The following SUGCT variants were observed in gnomAD, a reference collection of about 807,000 sequenced individuals.
SUGCT encodes succinyl-CoA:glutarate CoA-transferase.
Under a neutral mutation model 55.0 loss-of-function variants are expected in SUGCT, and 41 were observed. The ratio of observed to expected loss-of-function variants is 0.74; its 90% CI spans 0.58 to 0.97. The LOEUF (loss-of-function observed/expected upper bound fraction) is 0.97. Among genes scored for constraint, SUGCT ranks in the 50% least tolerant of loss-of-function variants. The pLI, the probability that SUGCT is intolerant of heterozygous loss-of-function variation, is 0.00. For synonymous variants in SUGCT, 187 were observed against 200.4 expected (o/e 0.93, Z 0.56); for missense variants, 568 against 547.8 (o/e 1.04, Z -0.37).
chr7:40,366,441 G>A (rs1373290422), intron 9 of SUGCT, among the ~76,000 whole-genome samples: 1 of 151,940 alleles, frequency 6.6e-6, no homozygotes, highest in African/African-American at 2.4e-5. Flanking sequence ...AAGAGCTTCT[G>A]CACAGCAAAA....
chr7:40,614,753 G>A (rs1192669205), intron 12 of SUGCT, among the ~76,000 whole-genome samples: 3 of 152,120 alleles, frequency 2.0e-5, no homozygotes, highest in Non-Finnish European at 4.4e-5. Flanking sequence ...TCTTTAACCT[G>A]TGTCTCAGTT....
intron 12 of SUGCT, among the ~76,000 whole-genome samples, chr7:40,604,593 G>C (rs1052869878): frequency 1.3e-5 from 2 of 152,164 alleles, no homozygotes; most frequent in Admixed American, 1.3e-4. Context: ...AGTAAGAGTA[G>C]AGAGTCATTT....
chr7:40,272,085 C>CTA (rs1792066619), intron 7 of SUGCT, among the ~76,000 whole-genome samples: 2 of 121,096 alleles, frequency 1.7e-5, no homozygotes, highest in East Asian at 2.2e-4. Flanking sequence ...CTCTCTCTCT[C>CTA]TCTCTCTCTC....
intron 12 of SUGCT, among the ~76,000 whole-genome samples, chr7:40,542,228 T>G (rs1254704176): frequency 6.6e-6 from 1 of 152,168 alleles, no homozygotes; most frequent in Non-Finnish European, 1.5e-5. Flanking sequence ...ACATAGACAA[T>G]GTAATCATAA....
In SUGCT at chr7:40,360,327, T is replaced by A. The variant is rs572156547; in HGVS notation, c.816+43472T>A. On this transcript the variant is annotated intron_variant, in intron 9 of 13. Coordinates refer to ENST00000335693, the MANE Select transcript of SUGCT (RefSeq NM_001193313.2). ...CTGCACCCAGCCTAAGATTTTTTTT[T>A]AAAAATACTGTTTTTCTTCTATTCT... Among the ~76,000 whole-genome samples, 801 of 152,300 alleles carry A rather than the reference T, an allele frequency of 5.3e-3. 5 individuals are homozygous for A. The highest frequency in any genetic ancestry group is 0.014 in the African/African-American group (575 of 41,554).
chr7:40,947,508 TTTTG>T, the SUGCT span, among the ~76,000 whole-genome samples: 5 of 151,128 alleles, frequency 3.3e-5, no homozygotes, highest in Admixed American at 2.0e-4. Flanking sequence ...CTCTTTTTTT[TTTTG>T]TTTGTTTGTT....
chr7:40,449,255 A>G (rs1706816898), intron 9 of SUGCT, 32 bp from the exon 10 acceptor site: 1 of 1,464,050 alleles, frequency 6.8e-7, no homozygotes, highest in African/African-American at 1.4e-5. Flanking sequence ...CAACATATAA[A>G]TAATATTTAC....
intron 12 of SUGCT, among the ~76,000 whole-genome samples, chr7:40,575,119 C>CGGG (rs1210366162): frequency 3.6e-4 from 36 of 99,102 alleles, no homozygotes; most frequent in African/African-American, 1.6e-3. Context: ...AGGAGGGTGG[C>CGGG]GGGGGTGGGG....
Position 40,691,376 on chromosome 7 carries a change from CCCAGAAGCCATAT to C in SUGCT, c.1090-58057_1090-58045del, listed in dbSNP as rs1281071848. ...TTTTTCTCCTCACAGCTGGATCATA[CCCAGAAGCCATAT>C]TTCTTACTGATCATGAGCTATCATA... On this transcript the variant is annotated intron_variant, in intron 12 of 13. Coordinates refer to ENST00000335693, the MANE Select transcript of SUGCT (RefSeq NM_001193313.2). 7.2e-5 allele frequency among the ~76,000 whole-genome samples: 11 copies of C among 151,816 alleles called. No homozygotes were observed. In the East Asian group the frequency reaches 1.4e-3, roughly 19 times the overall value.
chr7:40,706,032 A>C (rs1785382378), intron 12 of SUGCT, among the ~76,000 whole-genome samples: 1 of 152,224 alleles, frequency 6.6e-6, no homozygotes, highest in African/African-American at 2.4e-5. Context: ...ATGAGATCAT[A>C]CCTTTAAATA....
intron 8 of SUGCT, among the ~76,000 whole-genome samples, chr7:40,284,070 G>A (rs984303818): frequency 6.7e-6 from 1 of 148,500 alleles, no homozygotes; most frequent in Non-Finnish European, 1.5e-5. Context: ...ACATGGTCTC[G>A]TATATATGTG....
chr7:40,223,861 C>T (rs1788181729), intron 6 of SUGCT, among the ~76,000 whole-genome samples: 1 of 152,148 alleles, frequency 6.6e-6, no homozygotes, highest in Non-Finnish European at 1.5e-5. Flanking sequence ...ATTTGTTACT[C>T]ATTTGGGTTA....
At chr7:40,951,684 T>G in the SUGCT span, among the ~76,000 whole-genome samples, 2 of 152,204 alleles carry the variant, frequency 1.3e-5, no homozygotes, top group Admixed American at 1.3e-4. Context: ...AAAGAACATC[T>G]TTATTCTGCC....
At chr7:40,191,773 A>G (rs189771502) in intron 5 of SUGCT, among the ~76,000 whole-genome samples, 12 of 152,162 alleles carry the variant, frequency 7.9e-5, no homozygotes, top group Non-Finnish European at 1.8e-4. Context: ...TTTTTTCTCT[A>G]GTCTTTCATA....
intron 12 of SUGCT, among the ~76,000 whole-genome samples, chr7:40,625,749 G>A (rs150270552): frequency 1.4e-4 from 21 of 152,246 alleles, no homozygotes; most frequent in East Asian, 3.9e-4. Flanking sequence ...ACAGTATAGC[G>A]GATTGGCGGG....
chr7:40,419,547 T>C (rs1302873564), intron 9 of SUGCT, among the ~76,000 whole-genome samples: 1 of 152,182 alleles, frequency 6.6e-6, no homozygotes, highest in African/African-American at 2.4e-5. Context: ...CAGTCTGCAG[T>C]TTGGGTAGCT....
At chr7:40,977,436 G>A in the SUGCT span, among the ~76,000 whole-genome samples, 316 of 152,322 alleles carry the variant, frequency 2.1e-3, no homozygotes, top group African/African-American at 6.8e-3. Context: ...AGTCTGTCAT[G>A]AGTCTTTGCG....
chr7:40,465,320 C>T (rs73138940), intron 11 of SUGCT, among the ~76,000 whole-genome samples: 8 of 152,064 alleles, frequency 5.3e-5, no homozygotes, highest in African/African-American at 1.4e-4. Context: ...AGGCTGGGTG[C>T]GGTGGCTGGC....
chr7:40,953,166 C>T, the SUGCT span, among the ~76,000 whole-genome samples: 59,173 of 151,872 alleles, frequency 0.39, 12,100 homozygotes, highest in Admixed American at 0.5. Context: ...TATTCTTTTT[C>T]CTCTAAACTT....
Sources: allele counts gnomAD v4.1 joint callset (sites outside exome capture counted in the v4.1 genomes callset), GRCh38; gene constraint gnomAD v4.1.1; transcripts MANE v1.5; gene names NCBI Gene and HGNC (gene_info 2026-07-23, HGNC 2026-07-21).